The following USP6 variants were observed in gnomAD, a reference collection of about 807,000 sequenced individuals.
USP6 encodes the protein ubiquitin specific peptidase 6.
In USP6, 128 loss-of-function variants were observed where a neutral mutation model predicts 175.7. The observed-to-expected ratio is 0.73, with a 90% CI of 0.63 to 0.84. The LOEUF is 0.84. USP6 is among the 40% of genes least tolerant of loss of function. USP6 has a pLI of 0.00. For synonymous variants in USP6, 562 were observed against 630.6 expected, an observed-to-expected ratio of 0.89 and a Z score of 1.63; for missense variants, 1,498 against 1,760.3, an observed-to-expected ratio of 0.85 and a Z score of 2.67.
Position 5,155,561 on chromosome 17 carries a change from C to CA in USP6, c.2785dup (p.Arg929LysfsTer9). 2 of 1,613,950 alleles carry CA rather than the reference C, an allele frequency of 1.2e-6. No individual in the cohort carries two copies. The highest frequency in any genetic ancestry group is 2.2e-5 in the South Asian group (2 of 91,050). Reference sequence around the variant, plus strand: ...GTTTGGATTCAAGTATCCTGGTTAGCAAGACCACTCCCACCTCAGGAAGCT... The same window carrying CA: ...GTTTGGATTCAAGTATCCTGGTTAGCAAAGACCACTCCCACCTCAGGAAGCT... On this transcript the variant is annotated frameshift_variant, in exon 31 of 38. Coordinates refer to ENST00000574788, the MANE Select transcript of USP6 (RefSeq NM_001304284.2). LOFTEE classifies it high-confidence loss of function.
intron 11 of USP6, among the ~76,000 whole-genome samples, chr17:5,131,446 C>T (rs994265586): frequency 4.7e-5 from 7 of 148,934 alleles, no homozygotes; most frequent in Non-Finnish European, 1.0e-4. Context: ...GTGTGTGGCT[C>T]GGGTATAGGG....
At chr17:5,158,431 G>A (rs1598079870) in intron 31 of USP6, among the ~76,000 whole-genome samples, 2 of 152,012 alleles carry the variant, frequency 1.3e-5, no homozygotes, top group Non-Finnish European at 2.9e-5. Context: ...GCTGGGCATG[G>A]TAGTATGTGC....
At chr17:5,135,210 T>A (rs201040778) in intron 15 of USP6, 24 bp from the exon 16 acceptor site, 1 of 1,611,298 alleles carries the variant, frequency 6.2e-7, no homozygotes, top group Non-Finnish European at 8.5e-7. Context: ...AACCAAACCA[T>A]AGCCCCCTTT....
intron 22 of USP6, 26 bp from the exon 23 acceptor site, chr17:5,141,399 T>G: frequency 6.3e-7 from 1 of 1,581,236 alleles, no homozygotes; most frequent in Non-Finnish European, 8.6e-7. Context: ...GATAAGAAAT[T>G]AACACATTCC....
At chr17:5,125,678 G>GCACACACACACACACACACACA (rs71151842) in intron 5 of USP6, 143 bp from the exon 6 acceptor site, 18 of 137,588 alleles carry the variant, frequency 1.3e-4, no homozygotes, top group African/African-American at 4.5e-4. Flanking sequence ...ACACGCACAT[G>GCACACACACACACACACACACA]CACACACACA....
intron 1 of USP6, among the ~76,000 whole-genome samples, chr17:5,116,948 C>G (rs1405392477): frequency 6.6e-6 from 1 of 152,168 alleles, no homozygotes; most frequent in Non-Finnish European, 1.5e-5. Flanking sequence ...GGAAAGGCCA[C>G]AGGGCAAGAG....
In USP6 at chr17:5,171,775, T is replaced by C. The variant is rs560189529; in HGVS notation, c.4047+96T>C. The C allele has an allele frequency of 1.4e-4, 186 of 1,297,804 alleles. 3 individuals are homozygous for C. In the South Asian group the frequency reaches 2.4e-3, roughly 17 times the overall value. The allele number at this position is 1,297,804 out of a possible 1,614,324, so 80.4% of individuals were successfully genotyped here. A position where few individuals can be genotyped will look rare whatever the true frequency, so the allele number is the denominator to read the frequency against. On this transcript the variant is annotated intron_variant, in intron 37 of 37. Coordinates refer to ENST00000574788, the MANE Select transcript of USP6 (RefSeq NM_001304284.2). ...GACTATCTCTTGAATAGGAAATAGA[T>C]ATTTCTGTTAGAATTAATATATAGA...
At chr17:5,146,299 C>A in intron 28 of USP6, 125 bp downstream of exon 28, 3 of 1,336,384 alleles carry the variant, frequency 2.2e-6, no homozygotes, top group South Asian at 2.0e-5. Flanking sequence ...GAAAACTGAA[C>A]AACAACAAAA....
At chr17:5,137,525 G>T in intron 19 of USP6, 126 bp from the exon 20 acceptor site, 1 of 972,706 alleles carries the variant, frequency 1.0e-6, no homozygotes, top group South Asian at 1.5e-5. Context: ...CAGCATTCTG[G>T]AGGGCTCAGG....
intron 32 of USP6, among the ~76,000 whole-genome samples, chr17:5,162,483 A>T (rs2074023777): frequency 6.6e-6 from 1 of 152,124 alleles, no homozygotes; most frequent in Non-Finnish European, 1.5e-5. Context: ...TTAATCTGCC[A>T]TTTTACAAAC....
chr17:5,134,069 G>T (rs1275683760), intron 15 of USP6, 73 bp downstream of exon 15: 1 of 1,495,692 alleles, frequency 6.7e-7, no homozygotes, highest in East Asian at 2.3e-5. Flanking sequence ...CCCCGGAGCA[G>T]AAGCCAGGGT....
Position 5,171,612 on chromosome 17 carries a change from G to A in USP6, c.3980G>A (p.Gly1327Asp). The stretch of plus-strand genomic sequence containing the variant: ...TGCCATTCAGGAATTCTGAGTGGGG[G>A]CCATTACATCACTTATGCCAAAAAC... ...ISCHSGILSG[G>D]HYITYAKNPN... Residue 1327 changes from glycine to aspartate, a missense_variant, in exon 37 of 38, where the codon GGC becomes GAC. By Grantham distance (94) the Gly-to-Asp change is moderately conservative (BLOSUM62 -1). Coordinates refer to ENST00000574788, the MANE Select transcript of USP6 (RefSeq NM_001304284.2). 1 of 1,613,710 alleles carries A rather than the reference G, an allele frequency of 6.2e-7. No homozygotes were observed. Among genetic ancestry groups the A allele is most frequent in the South Asian group, 1.1e-5 (1 of 91,060 alleles).
intron 11 of USP6, among the ~76,000 whole-genome samples, chr17:5,131,933 G>T (rs955749492): frequency 5.9e-5 from 9 of 152,110 alleles, no homozygotes; most frequent in African/African-American, 1.4e-4. Flanking sequence ...TGTCAAGTGG[G>T]ATGGGCCCTT....
chr17:5,161,689 A>C, intron 32 of USP6, 75 bp downstream of exon 32: 1 of 1,510,208 alleles, frequency 6.6e-7, no homozygotes, highest in Non-Finnish European at 9.1e-7. Context: ...TAAGATTTCC[A>C]ATTTTGAGAA....
In USP6 at chr17:5,129,971, G is replaced by A. The variant is rs187957002; in HGVS notation, c.-120G>A. ...ATCTCTGTGGCCCTGAACATCCCAG[G>A]AGGCCGATCGTACAGAGACCTCTGG... On this transcript the variant is annotated 5_prime_UTR_variant, in exon 9 of 38. Transcript: ENST00000574788. 6.0e-3 allele frequency: 1,491 copies of A among 249,352 alleles called. 13 individuals are homozygous for A. The highest frequency in any genetic ancestry group is 0.019 in the Middle Eastern group (13 of 682). The allele number at this position is 249,352 out of a possible 1,614,324, so 15.4% of individuals were successfully genotyped here. A position where few individuals can be genotyped will look rare whatever the true frequency, so the allele number is the denominator to read the frequency against.
intron 4 of USP6, among the ~76,000 whole-genome samples, chr17:5,123,775 G>T (rs1304745309): frequency 6.6e-6 from 1 of 152,154 alleles, no homozygotes; most frequent in Non-Finnish European, 1.5e-5. Context: ...ACACGTAGTG[G>T]AAGCATCCAC....
In USP6 at chr17:5,172,736, C is replaced by T; in HGVS notation, c.4048-69C>T. The stretch of plus-strand genomic sequence containing the variant: ...AGTAATTACAGAGGGTTGGTCTTCC[C>T]TTTCCTGGCAAGGATTTAGAGTCAT... On this transcript the variant is annotated intron_variant, in intron 37 of 37. Coordinates refer to ENST00000574788, the MANE Select transcript of USP6 (RefSeq NM_001304284.2). The T allele has an allele frequency of 3.2e-6, 5 of 1,587,282 alleles. No individual in the cohort carries two copies. In the South Asian group the frequency reaches 5.8e-5, roughly 18 times the overall value.
rs577891060 is a variant in USP6, at chr17:5,156,375, C to G, written c.2828+769C>G. 4.5e-4 allele frequency among the ~76,000 whole-genome samples: 68 copies of G among 151,954 alleles called. 1 individual carries two copies. The East Asian group carries it at 8.9e-3, about 20-fold the overall frequency. On this transcript the variant is annotated intron_variant, in intron 31 of 37. Transcript: ENST00000574788. Reference sequence around the variant, plus strand: ...CAGGTTGGAGTGCAATGGCACGATCCTGGCTCACTGCAACCTCCACCTCCC... The same window carrying G: ...CAGGTTGGAGTGCAATGGCACGATCGTGGCTCACTGCAACCTCCACCTCCC...
At chr17:5,169,639 G>A (rs1162287117) in intron 35 of USP6, among the ~76,000 whole-genome samples, 3 of 152,026 alleles carry the variant, frequency 2.0e-5, no homozygotes, top group Non-Finnish European at 4.4e-5. Context: ...ATGGTGCTTC[G>A]CCATGTTTCC....
Sources: allele counts gnomAD v4.1 joint callset (sites outside exome capture counted in the v4.1 genomes callset), GRCh38; gene constraint gnomAD v4.1.1; transcripts MANE v1.5; gene names NCBI Gene and HGNC (gene_info 2026-07-23, HGNC 2026-07-21).